NLGN1: variants seen among roughly 807,000 people sequenced by gnomAD.
NLGN1 encodes neuroligin 1.
NLGN1 carries 12 observed loss-of-function variants against 65.5 expected under a neutral mutation model. The ratio of observed to expected loss-of-function variants is 0.18; its 90% CI spans 0.12 to 0.30. NLGN1 has a LOEUF of 0.30. Among genes scored for constraint, NLGN1 ranks in the 10% least tolerant of loss-of-function variants. NLGN1 has a pLI of 1.00. For missense variants in NLGN1, 750 were observed against 1,007.1 expected, an observed-to-expected ratio of 0.74 and a Z score of 3.46; for synonymous variants, 350 against 359.5, an observed-to-expected ratio of 0.97 and a Z score of 0.30.
intron 4 of NLGN1, among the ~76,000 whole-genome samples, chr3:174,264,571 G>A (rs1747631321): frequency 6.7e-6 from 1 of 148,328 alleles, no homozygotes; most frequent in Admixed American, 6.8e-5. Flanking sequence ...GGTTATTCTA[G>A]TTATACATTC....
At chr3:173,922,949 A>G (rs1296910518) in intron 4 of NLGN1, among the ~76,000 whole-genome samples, 1 of 152,146 alleles carries the variant, frequency 6.6e-6, no homozygotes, top group East Asian at 1.9e-4. Context: ...TGAGATTTGA[A>G]TAAGTTAATG....
intron 4 of NLGN1, chr3:174,136,631 G>A (rs1721267951): frequency 6.6e-6 from 1 of 152,100 alleles, no homozygotes; most frequent in South Asian, 2.1e-4. Flanking sequence ...TTCAGGGTAA[G>A]CAACTCTATT....
At chr3:174,207,515 A>G (rs377017690) in intron 4 of NLGN1, among the ~76,000 whole-genome samples, 1 of 152,262 alleles carries the variant, frequency 6.6e-6, no homozygotes, top group Non-Finnish European at 1.5e-5. Context: ...GATTCATGTC[A>G]TATTGCCAAG....
At chr3:173,407,190 C>T (rs897918607) in intron 1 of NLGN1, among the ~76,000 whole-genome samples, 11 of 152,042 alleles carry the variant, frequency 7.2e-5, no homozygotes, top group East Asian at 3.9e-4. Flanking sequence ...TGACTAAATG[C>T]GTAGAATCAC....
At chr3:173,881,359 A>T (rs1299019678) in intron 4 of NLGN1, among the ~76,000 whole-genome samples, 1 of 149,374 alleles carries the variant, frequency 6.7e-6, no homozygotes, top group Non-Finnish European at 1.5e-5. Flanking sequence ...GGCCTCCCAA[A>T]TTGCTGGGAT....
At chr3:173,918,073 A>G (rs577017344) in intron 4 of NLGN1, among the ~76,000 whole-genome samples, 66 of 152,298 alleles carry the variant, frequency 4.3e-4, no homozygotes, top group South Asian at 8.3e-4. Context: ...TAAGATGGTT[A>G]TCATATTGGC....
At chr3:174,211,340 G>C (rs7637443) in intron 4 of NLGN1, among the ~76,000 whole-genome samples, 14,179 of 152,018 alleles carry the variant, frequency 0.093, 1,381 homozygotes, top group African/African-American at 0.25. Flanking sequence ...TGATTGGTGC[G>C]TTTACAATCC....
At chr3:173,989,724 A>G (rs1720700736) in intron 4 of NLGN1, among the ~76,000 whole-genome samples, 1 of 152,202 alleles carries the variant, frequency 6.6e-6, no homozygotes, top group African/African-American at 2.4e-5. Context: ...TAGCTTAATT[A>G]TGTAATCAAA....
chr3:173,599,226 G>A (rs575772226), intron 2 of NLGN1, among the ~76,000 whole-genome samples: 1 of 152,170 alleles, frequency 6.6e-6, no homozygotes, highest in African/African-American at 2.4e-5. Context: ...TTACACATTA[G>A]TTACTTTAAG....
chr3:173,860,311 A>G (rs371914646), intron 4 of NLGN1, among the ~76,000 whole-genome samples: 1 of 151,822 alleles, frequency 6.6e-6, no homozygotes, highest in East Asian at 1.9e-4. Context: ...GTCTTATTTG[A>G]CCCATATATT....
chr3:173,574,438 A>T (rs942521388), intron 2 of NLGN1, among the ~76,000 whole-genome samples: 3 of 152,010 alleles, frequency 2.0e-5, no homozygotes, highest in Non-Finnish European at 4.4e-5. Flanking sequence ...ATTAAAATTC[A>T]ATTTAAAATT....
chr3:174,235,334 A>G (rs1741519016), intron 4 of NLGN1, among the ~76,000 whole-genome samples: 1 of 152,082 alleles, frequency 6.6e-6, no homozygotes, highest in Non-Finnish European at 1.5e-5. Context: ...CCTCTTGGCT[A>G]AGACCTCAGT....
chr3:174,081,858 A>G (rs1353211562), intron 4 of NLGN1, among the ~76,000 whole-genome samples: 1 of 152,174 alleles, frequency 6.6e-6, no homozygotes, highest in African/African-American at 2.4e-5. Flanking sequence ...GGCATGAGCC[A>G]CCATGCCCGG....
chr3:174,028,354 G>A (rs997658418), intron 4 of NLGN1, among the ~76,000 whole-genome samples: 2 of 152,166 alleles, frequency 1.3e-5, no homozygotes, highest in African/African-American at 4.8e-5. Flanking sequence ...ATAGTGATAT[G>A]GACAATGAAG....
chr3:173,462,883 T>C (rs1723640346), intron 2 of NLGN1, among the ~76,000 whole-genome samples: 1 of 152,246 alleles, frequency 6.6e-6, no homozygotes, highest in Non-Finnish European at 1.5e-5. Flanking sequence ...GCTGAGACTT[T>C]ATTTTGGCAG....
chr3:173,687,052 G>A (rs188664183), intron 3 of NLGN1, among the ~76,000 whole-genome samples: 46 of 152,310 alleles, frequency 3.0e-4, no homozygotes, highest in South Asian at 1.9e-3. Flanking sequence ...CTGTGGGTTG[G>A]AAAGTGTGTA....
chr3:173,808,833 G>A (rs1187852266), intron 4 of NLGN1, among the ~76,000 whole-genome samples: 1 of 152,058 alleles, frequency 6.6e-6, no homozygotes, highest in African/African-American at 2.4e-5. Context: ...AAAGGAATTT[G>A]TATTATATTC....
intron 2 of NLGN1, among the ~76,000 whole-genome samples, chr3:173,552,741 C>T (rs1022091972): frequency 1.3e-5 from 2 of 152,116 alleles, no homozygotes; most frequent in Non-Finnish European, 2.9e-5. Context: ...TAGCTGGGCA[C>T]GCAGGCCAGT....
At chr3:173,515,882 C>T (rs971231006) in intron 2 of NLGN1, among the ~76,000 whole-genome samples, 6 of 152,010 alleles carry the variant, frequency 3.9e-5, no homozygotes, top group Non-Finnish European at 7.4e-5. Context: ...TTTCTGGACT[C>T]ACTATTCTGT....
Sources: gnomAD v4.1 joint callset for allele counts (sites outside exome capture counted in the v4.1 genomes callset) on GRCh38, gnomAD v4.1.1 for gene constraint, MANE v1.5 for transcripts, NCBI Gene and HGNC (gene_info 2026-07-23, HGNC 2026-07-21) for gene names.